Variants in RNF144A observed in about 807,000 individuals in gnomAD.
The protein encoded by RNF144A is E3 ubiquitin-protein ligase RNF144A.
A neutral mutation model predicts 38.7 loss-of-function variants in RNF144A; 11 were observed. The observed-to-expected ratio is 0.28, with a 90% CI of 0.18 to 0.47. RNF144A has a LOEUF of 0.47. Ranked by LOEUF, RNF144A falls within the 20% of genes least tolerant of loss-of-function variation. The pLI, the probability that RNF144A is intolerant of heterozygous loss-of-function variation, is 0.99. For missense variants in RNF144A, 316 were observed against 377.2 expected (o/e 0.84, Z 1.34); for synonymous variants, 149 against 143.9 (o/e 1.04, Z -0.25).
At chr2:6,993,508 T>C (rs1316215071) in intron 2 of RNF144A, among the ~76,000 whole-genome samples, 2 of 152,056 alleles carry the variant, frequency 1.3e-5, no homozygotes, top group Non-Finnish European at 2.9e-5. Context: ...ACAAGCACGA[T>C]GGGGCAGGGC....
chr2:7,066,770 G>T (rs183497110), intron 6 of RNF144A, among the ~76,000 whole-genome samples: 6 of 152,314 alleles, frequency 3.9e-5, no homozygotes, highest in African/African-American at 1.2e-4. Flanking sequence ...GGTGAATAAA[G>T]AGTGTCACTT....
At chr2:7,015,096 A>C (rs1671052691) in intron 5 of RNF144A, among the ~76,000 whole-genome samples, 1 of 152,114 alleles carries the variant, frequency 6.6e-6, no homozygotes, top group Non-Finnish European at 1.5e-5. Flanking sequence ...GCTGAGTTTG[A>C]GGGCTAAACT....
intron 3 of RNF144A, among the ~76,000 whole-genome samples, chr2:7,005,709 C>G (rs1030616640): frequency 6.6e-5 from 10 of 152,176 alleles, no homozygotes; most frequent in African/African-American, 2.4e-4. Context: ...CCAGAGTTGT[C>G]TTCATTTTTA....
At chr2:6,995,181 C>A (rs560468982) in intron 2 of RNF144A, among the ~76,000 whole-genome samples, 6 of 151,886 alleles carry the variant, frequency 4.0e-5, no homozygotes, top group African/African-American at 1.5e-4. Context: ...AGGTGTCAGT[C>A]GTAAAACTTG....
At chr2:7,037,295 G>T (rs1205868942) in intron 8 of RNF144A, among the ~76,000 whole-genome samples, 1 of 152,218 alleles carries the variant, frequency 6.6e-6, no homozygotes, top group Non-Finnish European at 1.5e-5. Context: ...GGTAGACTGA[G>T]TGAAAAGCGA....
chr2:7,029,200 T>C (rs547483931), intron 7 of RNF144A, among the ~76,000 whole-genome samples: 2 of 152,364 alleles, frequency 1.3e-5, no homozygotes, highest in Admixed American at 6.5e-5. Flanking sequence ...CTCCTTTAAA[T>C]GAATCAACAG....
At chr2:6,979,628 T>C (rs1023341904) in intron 2 of RNF144A, among the ~76,000 whole-genome samples, 1 of 152,114 alleles carries the variant, frequency 6.6e-6, no homozygotes, top group Admixed American at 6.5e-5. Flanking sequence ...CCAGAAGTTA[T>C]TGTTTATGAA....
chr2:7,007,022 G>C (rs1312082624), intron 3 of RNF144A, among the ~76,000 whole-genome samples: 1 of 152,084 alleles, frequency 6.6e-6, no homozygotes, highest in African/African-American at 2.4e-5. Flanking sequence ...TAAGGTCAGA[G>C]AGTGCCTTCC....
intron 2 of RNF144A, among the ~76,000 whole-genome samples, chr2:6,973,774 T>C (rs1265603625): frequency 6.6e-6 from 1 of 152,214 alleles, no homozygotes; most frequent in Non-Finnish European, 1.5e-5. Context: ...AAATCCAGCC[T>C]GCTGCCTGTT....
At chr2:7,009,501 C>T (rs1275466848) in intron 3 of RNF144A, among the ~76,000 whole-genome samples, 1 of 147,786 alleles carries the variant, frequency 6.8e-6, no homozygotes, top group Middle Eastern at 3.3e-3. Flanking sequence ...TAGATGGGAG[C>T]GTTTATTTTA....
At chr2:6,982,593 A>G (rs542913259) in intron 2 of RNF144A, among the ~76,000 whole-genome samples, 1 of 152,346 alleles carries the variant, frequency 6.6e-6, no homozygotes, top group East Asian at 1.9e-4. Context: ...GGAAAAAACA[A>G]CAAACACATA....
chr2:7,068,225 A>T, exon 7 of RNF144A: 1 of 1,301,462 alleles, frequency 7.7e-7, no homozygotes, highest in Non-Finnish European at 1.0e-6. Flanking sequence ...GGGTGATGCC[A>T]TCTTAGAGAA....
Position 6,948,638 on chromosome 2 carries a change from T to C in RNF144A, c.-12+7491T>C, listed in dbSNP as rs151242144. Among the ~76,000 whole-genome samples, 389 of 152,322 alleles carry C rather than the reference T, an allele frequency of 2.6e-3. 2 individuals are homozygous for C. Among genetic ancestry groups the C allele is most frequent in the African/African-American group, 8.6e-3 (359 of 41,570 alleles). On this transcript the variant is annotated intron_variant, in intron 2 of 8. Transcript: ENST00000320892. The stretch of plus-strand genomic sequence containing the variant: ...CTGATAAAAATTTAGGAGAGACTCT[T>C]AAGAGGTGACTCTTAGCACCAGGAA...
chr2:6,991,224 T>C lies in RNF144A; in HGVS notation c.-11-5692T>C, dbSNP rs73914452. Among the ~76,000 whole-genome samples the C allele has an allele frequency of 5.1e-3, 778 of 152,270 alleles. 5 individuals are homozygous for C. Among genetic ancestry groups the C allele is most frequent in the African/African-American group, 0.018 (737 of 41,536 alleles). On this transcript the variant is annotated intron_variant, in intron 2 of 8. Coordinates refer to ENST00000320892, the MANE Select transcript of RNF144A (RefSeq NM_014746.6). ...GTGATTGCTGGAAATAGTTAAGTTT[T>C]TATCATTGAGTGGGCATCATCTGCT...
intron 1 of RNF144A, among the ~76,000 whole-genome samples, chr2:6,918,903 G>A (rs1245203012): frequency 6.6e-6 from 1 of 152,106 alleles, no homozygotes; most frequent in Non-Finnish European, 1.5e-5. Context: ...GCCCTGCGGT[G>A]AGAGGGGGTC....
rs1343717813 is a variant in RNF144A, at chr2:7,039,816, A to G, written c.*56A>G. On this transcript the variant is annotated 3_prime_UTR_variant, in exon 9 of 9. Coordinates refer to ENST00000320892, the MANE Select transcript of RNF144A (RefSeq NM_014746.6). ...CTCCGGGAAGTGTGGCTCTCCCCCA[A>G]CCCTCCCCACCGTCCCCCCTTCACT... 3.2e-6 allele frequency: 5 copies of G among 1,573,396 alleles called. No homozygotes were observed. Among genetic ancestry groups the G allele is most frequent in the South Asian group, 1.2e-5 (1 of 86,452 alleles).
rs143268954 is a variant in RNF144A at position 6,964,154 on chromosome 2, G to A, written c.-12+23007G>A. Among the ~76,000 whole-genome samples the A allele has an allele frequency of 6.6e-5, 10 of 152,266 alleles. No individual in the cohort carries two copies. In the East Asian group the frequency reaches 1.3e-3, roughly 21 times the overall value. On this transcript the variant is annotated intron_variant, in intron 2 of 8. Coordinates refer to ENST00000320892, the MANE Select transcript of RNF144A (RefSeq NM_014746.6). Reference sequence around the variant, plus strand: ...GTGAATTTTCATTCTTTGAAAGAGGGAGCATGTTCATGTCCTTTGCCCACT... The same window carrying A: ...GTGAATTTTCATTCTTTGAAAGAGGAAGCATGTTCATGTCCTTTGCCCACT...
intron 3 of RNF144A, among the ~76,000 whole-genome samples, chr2:7,005,090 G>T (rs891712136): frequency 1.3e-5 from 2 of 152,216 alleles, no homozygotes; most frequent in African/African-American, 4.8e-5. Context: ...GTCAGATTAA[G>T]AAGAAACTAA....
At chr2:6,980,952 G>C (rs1024549273) in intron 2 of RNF144A, among the ~76,000 whole-genome samples, 1 of 152,336 alleles carries the variant, frequency 6.6e-6, no homozygotes, top group East Asian at 1.9e-4. Context: ...CCAATACCAC[G>C]TGGAAGGTGC....
Sources: allele counts gnomAD v4.1 joint callset (sites outside exome capture counted in the v4.1 genomes callset), GRCh38; gene constraint gnomAD v4.1.1; transcripts MANE v1.5; gene names NCBI Gene and HGNC (gene_info 2026-07-23, HGNC 2026-07-21).